The following SLX4IP variants were observed in gnomAD, a reference collection of about 807,000 sequenced individuals.
The protein encoded by SLX4IP is protein SLX4IP.
SLX4IP carries 34 observed loss-of-function variants against 32.9 expected under a neutral mutation model. The observed-to-expected ratio is 1.03, with a 90% CI of 0.79 to 1.38. The LOEUF (loss-of-function observed/expected upper bound fraction) is 1.38, where lower values mean the gene tolerates loss of function less well. Ranked by LOEUF, SLX4IP falls within the 40% of genes most tolerant of loss-of-function variation. The pLI, the probability that SLX4IP is intolerant of heterozygous loss-of-function variation, is 0.00. For synonymous variants in SLX4IP, 172 were observed against 171.7 expected (o/e 1.00, Z -0.01); for missense variants, 444 against 479.0 (o/e 0.93, Z 0.68).
chr20:10,498,091 T>C (rs1278192854), intron 2 of SLX4IP, among the ~76,000 whole-genome samples: 1 of 151,136 alleles, frequency 6.6e-6, no homozygotes. Context: ...GGCAATATTT[T>C]TTCTTAGTGG....
chr20:10,518,341 TTCTTTCTTTCTC>T (rs1346076893), intron 2 of SLX4IP, among the ~76,000 whole-genome samples: 1 of 108,072 alleles, frequency 9.3e-6, no homozygotes, highest in Non-Finnish European at 2.3e-5. Context: ...GACCAGTCTT[TTCTTTCTTTCTC>T]TCTTTCTTTC....
intron 2 of SLX4IP, among the ~76,000 whole-genome samples, chr20:10,526,874 G>C (rs1050023964): frequency 2.0e-5 from 3 of 152,114 alleles, no homozygotes; most frequent in Admixed American, 2.0e-4. Flanking sequence ...ACTGCTTGAG[G>C]CTGGGAGGCA....
chr20:10,463,083 C>G (rs1370927155), intron 2 of SLX4IP, among the ~76,000 whole-genome samples: 1 of 152,068 alleles, frequency 6.6e-6, no homozygotes, highest in Admixed American at 6.6e-5. Flanking sequence ...AAAAGAAAAC[C>G]CAAAGAGCCA....
At chr20:10,544,168 A>T (rs553912119) in intron 2 of SLX4IP, among the ~76,000 whole-genome samples, 220 of 152,038 alleles carry the variant, frequency 1.4e-3, no homozygotes, top group African/African-American at 5.1e-3. Flanking sequence ...CTGTTCCTTA[A>T]CTGTTTGGAG....
chr20:10,452,756 C>G (rs2065253873), intron 1 of SLX4IP, among the ~76,000 whole-genome samples: 1 of 150,532 alleles, frequency 6.6e-6, no homozygotes, highest in South Asian at 2.1e-4. Context: ...GAGGCTGAGG[C>G]AGGAGGATCG....
At chr20:10,449,058 G>A (rs1306651998) in intron 1 of SLX4IP, among the ~76,000 whole-genome samples, 1 of 152,072 alleles carries the variant, frequency 6.6e-6, no homozygotes, top group Admixed American at 6.5e-5. Flanking sequence ...TTGGAACTTA[G>A]CAGATTGGCT....
chr20:10,614,727 C>T lies in SLX4IP; in HGVS notation c.406-6587C>T, dbSNP rs565342088. Among the ~76,000 whole-genome samples the T allele has an allele frequency of 1.7e-3, 255 of 152,232 alleles. 2 individuals carry two copies. The highest frequency in any genetic ancestry group is 3.3e-3 in the Non-Finnish European group (225 of 68,012). The stretch of plus-strand genomic sequence containing the variant: ...TAGCCAGCAGCATCTGACCCTGGGG[C>T]GTGGTGTTAATATCTGCCTCACCAA... On this transcript the variant is annotated intron_variant, in intron 6 of 7. Coordinates refer to ENST00000334534, the MANE Select transcript of SLX4IP (RefSeq NM_001009608.3).
At chr20:10,620,609 A>C (rs1385016803) in intron 6 of SLX4IP, among the ~76,000 whole-genome samples, 1 of 151,968 alleles carries the variant, frequency 6.6e-6, no homozygotes, top group Non-Finnish European at 1.5e-5. Flanking sequence ...GCTGGAGTGC[A>C]GTGGTGCCAT....
chr20:10,626,039 G>T lies in SLX4IP; in HGVS notation c.*2660G>T. 8.6e-6 allele frequency: 1 copy of T among 116,492 alleles called. No homozygotes were observed. The allele number at this position is 116,492 out of a possible 1,614,324, so 7.2% of individuals were successfully genotyped here. A position where few individuals can be genotyped will look rare whatever the true frequency, so the allele number is the denominator to read the frequency against. On this transcript the variant is annotated 3_prime_UTR_variant, in exon 8 of 8. Transcript: ENST00000334534. ...TTTTTTTTTTTTTTTTTTTGAGACA[G>T]AGTCTCGCTCTGTCGCCCAGGCTGG... is the stretch of plus-strand genomic sequence containing the variant.
At chr20:10,537,313 G>A (rs1169811498) in intron 2 of SLX4IP, among the ~76,000 whole-genome samples, 2 of 152,094 alleles carry the variant, frequency 1.3e-5, no homozygotes, top group African/African-American at 4.8e-5. Flanking sequence ...TTAATTTTTT[G>A]TGACCAATCT....
chr20:10,488,246 A>C (rs890032680), intron 2 of SLX4IP, among the ~76,000 whole-genome samples: 2 of 152,208 alleles, frequency 1.3e-5, no homozygotes, highest in Non-Finnish European at 2.9e-5. Context: ...CCCTAAACCA[A>C]TATGACTGAT....
At chr20:10,455,884 T>C (rs2065281243) in intron 1 of SLX4IP, among the ~76,000 whole-genome samples, 1 of 152,156 alleles carries the variant, frequency 6.6e-6, no homozygotes, top group East Asian at 1.9e-4. Context: ...GTGCTGGGAT[T>C]ACAGGTGTGA....
At chr20:10,524,944 C>T (rs1211486026) in intron 2 of SLX4IP, among the ~76,000 whole-genome samples, 3 of 152,168 alleles carry the variant, frequency 2.0e-5, no homozygotes, top group African/African-American at 4.8e-5. Flanking sequence ...GCTAAGGTTA[C>T]GTAACAGCCA....
At chr20:10,474,468 T>C (rs1446665364) in intron 2 of SLX4IP, among the ~76,000 whole-genome samples, 1 of 152,226 alleles carries the variant, frequency 6.6e-6, no homozygotes, top group African/African-American at 2.4e-5. Flanking sequence ...CTCTGGAGTT[T>C]GCTTTTAAGA....
At position 10,614,038 on chromosome 20, in the gene SLX4IP, T is replaced by C. The variant is rs2122563322; in HGVS notation, c.406-7276T>C. 4 of 1,432,794 alleles carry C rather than the reference T, an allele frequency of 2.8e-6. No homozygotes were observed. In the South Asian group the frequency reaches 4.7e-5, roughly 17 times the overall value. 88.8% of individuals were successfully genotyped at this position (1,432,794 alleles called of 1,614,324 possible). On this transcript the variant is annotated intron_variant, in intron 6 of 7. Coordinates refer to ENST00000334534, the MANE Select transcript of SLX4IP (RefSeq NM_001009608.3). ...AGAATGGAATAGACTTTTTCCAGGATCTGGAAGCAGCGGGTGGCGTCCTCC... is the reference window on the plus strand; with the variant it reads ...AGAATGGAATAGACTTTTTCCAGGACCTGGAAGCAGCGGGTGGCGTCCTCC...
intron 2 of SLX4IP, among the ~76,000 whole-genome samples, chr20:10,549,072 C>A (rs2066192517): frequency 6.6e-6 from 1 of 152,150 alleles, no homozygotes; most frequent in Non-Finnish European, 1.5e-5. Context: ...CAAGGGAATT[C>A]AATTGACAAC....
At chr20:10,596,585 G>A (rs776330829) in intron 4 of SLX4IP, among the ~76,000 whole-genome samples, 11 of 152,154 alleles carry the variant, frequency 7.2e-5, no homozygotes, top group East Asian at 1.9e-4. Flanking sequence ...TTGAAATTTC[G>A]AACATGCCTC....
intron 1 of SLX4IP, among the ~76,000 whole-genome samples, chr20:10,447,621 C>G (rs1380648035): frequency 6.6e-6 from 1 of 151,956 alleles, no homozygotes; most frequent in East Asian, 1.9e-4. Context: ...TAAGAAATTC[C>G]TTTGTATTCA....
chr20:10,623,411 G>A lies in SLX4IP; in HGVS notation c.*32G>A. The A allele has an allele frequency of 6.4e-7, 1 of 1,567,428 alleles. No individual in the cohort carries two copies. The highest frequency in any genetic ancestry group is 8.6e-7 in the Non-Finnish European group (1 of 1,159,562). ...AGAGGTTTGTACCGTTGGAGTTGAG[G>A]ACATAGTGGCCAAACCTGTGACAAG... On this transcript the variant is annotated 3_prime_UTR_variant, in exon 8 of 8. Transcript: ENST00000334534.
Sources: gnomAD v4.1 joint callset for allele counts (sites outside exome capture counted in the v4.1 genomes callset) on GRCh38, gnomAD v4.1.1 for gene constraint, MANE v1.5 for transcripts, NCBI Gene and HGNC (gene_info 2026-07-23, HGNC 2026-07-21) for gene names.